RIC1: variants seen among roughly 807,000 people sequenced by gnomAD.
The protein encoded by RIC1 is RIC1 partner of RAB6A GEF complex.
RIC1 carries 88 observed loss-of-function variants against 169.0 expected under a neutral mutation model. The observed-to-expected ratio is 0.52, with a 90% confidence interval of 0.44 to 0.62. RIC1 has a LOEUF of 0.62. RIC1 is among the 20% of genes least tolerant of loss of function. The pLI, the probability that RIC1 is intolerant of heterozygous loss-of-function variation, is 0.00. For missense variants in RIC1, 1,877 were observed against 1,725.5 expected, an observed-to-expected ratio of 1.09 and a Z score of -1.56; for synonymous variants, 790 against 601.5, an observed-to-expected ratio of 1.31 and a Z score of -4.59.
intron 3 of RIC1, among the ~76,000 whole-genome samples, chr9:5,707,281 C>G (rs1822649430): frequency 6.6e-6 from 1 of 151,994 alleles, no homozygotes; most frequent in African/African-American, 2.4e-5. Context: ...TTTATTAAGA[C>G]TTTTTTGTGG....
downstream of RIC1, among the ~76,000 whole-genome samples, chr9:5,778,147 C>CTAAG (rs945380139): frequency 5.3e-5 from 8 of 152,202 alleles, no homozygotes; most frequent in Non-Finnish European, 1.2e-4. Context: ...ATAATTTTTG[C>CTAAG]TAAGTCTCAT....
At chr9:5,770,480 ATAAAT>A (rs1827134142) in intron 23 of RIC1, among the ~76,000 whole-genome samples, 1 of 152,236 alleles carries the variant, frequency 6.6e-6, no homozygotes, top group Non-Finnish European at 1.5e-5. Flanking sequence ...TGTGAACAAA[ATAAAT>A]AGTACAGATC....
chr9:5,663,743 G>A (rs1435152855), intron 2 of RIC1, among the ~76,000 whole-genome samples: 1 of 151,990 alleles, frequency 6.6e-6, no homozygotes, highest in Non-Finnish European at 1.5e-5. Flanking sequence ...CATACCGCTG[G>A]GTCTTGGTTC....
Position 5,765,561 on chromosome 9 carries a change from C to T in RIC1, c.2989C>T (p.Pro997Ser), listed in dbSNP as rs1826672604. Residue 997 changes from proline (P) to serine (S), a missense_variant, in exon 20 of 26, where the codon CCC becomes TCC. By Grantham distance (74) the Pro-to-Ser change is moderately conservative. Around this residue, in one of 3 missense-constraint regions of RIC1, gnomAD observed 681 missense variants for 582.0 expected, o/e 1.17. Coordinates refer to ENST00000414202, the MANE Select transcript of RIC1 (RefSeq NM_020829.4). Reference sequence around the variant, plus strand: ...AGAATCTGAGACACCTCCATCCACACCCACAGCTCAGGTTAGTTGCAAAAG... The same window carrying T: ...AGAATCTGAGACACCTCCATCCACATCCACAGCTCAGGTTAGTTGCAAAAG... ...SGESETPPST[P>S]TAQEPSSSGG... The T allele has an allele frequency of 6.2e-7, 1 of 1,614,058 alleles. No individual in the cohort carries two copies. Among genetic ancestry groups the T allele is most frequent in the Non-Finnish European group, 8.5e-7 (1 of 1,179,932 alleles).
chr9:5,722,300 G>A (rs1444203534), intron 6 of RIC1, among the ~76,000 whole-genome samples: 10 of 143,564 alleles, frequency 7.0e-5, no homozygotes, highest in African/African-American at 2.6e-4. Flanking sequence ...TATCACTTAA[G>A]GATGGCTTAC....
chr9:5,673,795 T>C (rs964681857), intron 2 of RIC1, among the ~76,000 whole-genome samples: 1 of 151,954 alleles, frequency 6.6e-6, no homozygotes. Flanking sequence ...AGTTCCTGTA[T>C]ATATTTATCA....
chr9:5,701,511 C>A (rs2130773551), intron 3 of RIC1, among the ~76,000 whole-genome samples: 1 of 151,634 alleles, frequency 6.6e-6, no homozygotes, highest in South Asian at 2.1e-4. Context: ...AAGCAAATTG[C>A]TTGAACTGGG....
intron 2 of RIC1, among the ~76,000 whole-genome samples, chr9:5,678,796 C>T (rs1820618600): frequency 6.6e-6 from 1 of 152,078 alleles, no homozygotes; most frequent in South Asian, 2.1e-4. Flanking sequence ...CTGTAGGTTG[C>T]CTGTTCACTC....
chr9:5,643,658 G>C (rs1818361616), intron 1 of RIC1, among the ~76,000 whole-genome samples: 1 of 152,088 alleles, frequency 6.6e-6, no homozygotes, highest in Non-Finnish European at 1.5e-5. Context: ...AAAGATTGAA[G>C]AGGAGTTGAA....
chr9:5,760,283 G>C (rs1374251525), intron 17 of RIC1, among the ~76,000 whole-genome samples: 1 of 152,142 alleles, frequency 6.6e-6, no homozygotes, highest in Non-Finnish European at 1.5e-5. Context: ...CATACATGTA[G>C]CCCTTGCTTT....
In RIC1 at chr9:5,742,988, A is replaced by G; in HGVS notation, c.1021A>G (p.Ile341Val). Residue 341 changes from isoleucine to valine, a missense_variant, in exon 9 of 26, where the codon ATT becomes GTT. Transcript: ENST00000414202. The stretch of plus-strand genomic sequence containing the variant: ...ATGGAGTGTTTTTGGAGCACAGCTG[A>G]TTTGTACACTTGGAGGAGATTTTGC... ...SLWSVFGAQL[I>V]CTLGGDFAYR... 1.2e-6 allele frequency: 2 copies of G among 1,612,354 alleles called. No individual in the cohort carries two copies. The highest frequency in any genetic ancestry group is 1.7e-6 in the Non-Finnish European group (2 of 1,179,310).
chr9:5,756,843 T>C (rs1455384999), intron 16 of RIC1, among the ~76,000 whole-genome samples: 1 of 152,208 alleles, frequency 6.6e-6, no homozygotes, highest in Non-Finnish European at 1.5e-5. Flanking sequence ...CGTTGCCTTA[T>C]ATTTGTCTTG....
At chr9:5,674,161 A>G (rs1820294531) in intron 2 of RIC1, among the ~76,000 whole-genome samples, 1 of 152,148 alleles carries the variant, frequency 6.6e-6, no homozygotes, top group South Asian at 2.1e-4. Flanking sequence ...AAAATTGATA[A>G]TGATTATCTG....
intron 1 of RIC1, among the ~76,000 whole-genome samples, chr9:5,642,265 T>C (rs1818287404): frequency 6.9e-6 from 1 of 144,988 alleles, no homozygotes; most frequent in Non-Finnish European, 1.5e-5. Flanking sequence ...CTGAGTCTCC[T>C]GGAACTAGGG....
At position 5,690,026 on chromosome 9, in the gene RIC1, C is replaced by G. The variant is rs375748389; in HGVS notation, c.320C>G (p.Pro107Arg). The change falls in exon 3 of 26, where the codon CCA becomes CGA. Residue 107 changes from proline to arginine, a missense_variant. Physicochemically the swap from Pro to Arg is moderately radical, Grantham distance 103 (BLOSUM62 -2). Transcript: ENST00000414202. ...STRGDKYLYE[P>R]VYPKGSPQMK... ...AGAGGGGACAAGTACCTTTATGAAC[C>G]AGTGTATCCCAAGTAAGTTTGTTGC... The G allele has an allele frequency of 5.0e-6, 8 of 1,588,980 alleles. No homozygotes were observed. The highest frequency in any genetic ancestry group is 2.7e-5 in the African/African-American group (2 of 73,388).
chr9:5,679,320 C>T lies in RIC1; in HGVS notation c.253-10639C>T, dbSNP rs976733358. On this transcript the variant is annotated intron_variant, in intron 2 of 25. Coordinates refer to ENST00000414202, the MANE Select transcript of RIC1 (RefSeq NM_020829.4). Reference sequence around the variant, plus strand: ...TTGACTTAGGATTGTCTTGGCAATGCAGGCTCTTTTTTGGTTCCATATGAA... The same window carrying T: ...TTGACTTAGGATTGTCTTGGCAATGTAGGCTCTTTTTTGGTTCCATATGAA... Among the ~76,000 whole-genome samples the T allele has an allele frequency of 3.1e-4, 47 of 152,248 alleles. No homozygotes were observed. The East Asian group carries it at 8.7e-3, about 28-fold the overall frequency.
rs1463330837 is a variant in RIC1 at position 5,753,131 on chromosome 9, G to GA, written c.1453-68dup. On this transcript the variant is annotated intron_variant, in intron 12 of 25. Transcript: ENST00000414202. ...TTCGGCAAGATGAATCTCATAGTGTGATAACTTAATGCTTTAAGTTTAAAT... is the reference window on the plus strand; with the variant it reads ...TTCGGCAAGATGAATCTCATAGTGTGAATAACTTAATGCTTTAAGTTTAAAT... 6.9e-4 allele frequency: 931 copies of GA among 1,352,580 alleles called. 10 individuals carry two copies. The highest frequency in any genetic ancestry group is 3.5e-5 in the Non-Finnish European group (33 of 943,328). 83.8% of individuals were successfully genotyped at this position (1,352,580 alleles called of 1,614,324 possible).
In RIC1 at chr9:5,772,806, G is replaced by C. The variant is rs1027596588; in HGVS notation, c.3794+65G>C. 6.5e-6 allele frequency: 10 copies of C among 1,549,642 alleles called. No individual in the cohort carries two copies. In the African/African-American group the frequency reaches 6.8e-5, roughly 11 times the overall value. ...CAGAGTATTTGGGCAAATAGGTATG[G>C]GGCTACTCTCCTAATAATCATTGCA... On this transcript the variant is annotated intron_variant, in intron 24 of 25. Transcript: ENST00000414202.
At chr9:5,684,909 A>T (rs371519887) in intron 2 of RIC1, among the ~76,000 whole-genome samples, 1 of 152,170 alleles carries the variant, frequency 6.6e-6, no homozygotes, top group Non-Finnish European at 1.5e-5. Flanking sequence ...TTTTAATGCA[A>T]TGTATTCAGA....
Sources: gnomAD v4.1 joint callset for allele counts (sites outside exome capture counted in the v4.1 genomes callset) on GRCh38, gnomAD v4.1.1 for gene constraint, gnomAD v4.1.1 regional missense constraint, MANE v1.5 for transcripts, NCBI Gene and HGNC (gene_info 2026-07-23, HGNC 2026-07-21) for gene names.